The following TBXAS1 variants were observed in gnomAD, a reference collection of about 807,000 sequenced individuals.
The protein encoded by TBXAS1 is thromboxane A synthase 1, also known as thromboxane-A synthase.
In TBXAS1, 48 loss-of-function variants were observed where a neutral mutation model predicts 60.7. That is an observed-to-expected ratio of 0.79 (90% CI 0.63 to 1.01). The LOEUF is 1.01. Among genes scored for constraint, TBXAS1 ranks in the 50% least tolerant of loss-of-function variants. The probability of loss-of-function intolerance (pLI) is 0.00; values close to 1 mark genes in which losing one functional copy is unlikely to be tolerated. For missense variants in TBXAS1, 685 were observed against 686.3 expected (o/e 1.00, Z 0.02); for synonymous variants, 287 against 269.7 (o/e 1.06, Z -0.63).
intron 8 of TBXAS1, 69 bp downstream of exon 8, chr7:139,957,833 C>A: frequency 3.1e-6 from 5 of 1,604,864 alleles, no homozygotes; most frequent in Non-Finnish European, 4.3e-6. Context: ...TGTCTCTGCT[C>A]TTTCTCTTCC....
At chr7:139,944,714 C>G (rs1485178748) in intron 5 of TBXAS1, among the ~76,000 whole-genome samples, 13 of 152,142 alleles carry the variant, frequency 8.5e-5, no homozygotes, top group Non-Finnish European at 1.5e-4. Context: ...TCTTTTGAGT[C>G]CCTCTTCGTG....
At chr7:139,982,192 T>A (rs1196442890) in intron 9 of TBXAS1, among the ~76,000 whole-genome samples, 1 of 152,234 alleles carries the variant, frequency 6.6e-6, no homozygotes, top group Non-Finnish European at 1.5e-5. Context: ...AAAAAGTTAA[T>A]CTTATTGTAT....
At chr7:139,887,273 T>C (rs1159575072) in intron 3 of TBXAS1, among the ~76,000 whole-genome samples, 1 of 152,216 alleles carries the variant, frequency 6.6e-6, no homozygotes, top group Admixed American at 6.5e-5. Flanking sequence ...TGTTAAAATA[T>C]GCATCACACA....
intron 4 of TBXAS1, among the ~76,000 whole-genome samples, chr7:139,817,111 G>A (rs554322441): frequency 2.6e-5 from 4 of 152,034 alleles, no homozygotes; most frequent in East Asian, 3.9e-4. Context: ...CTCCTCCACC[G>A]ATCACTGTCC....
At position 139,930,083 on chromosome 7, in the gene TBXAS1, T is replaced by A. The variant is rs560138524; in HGVS notation, c.334-6108T>A. Among the ~76,000 whole-genome samples, 6 of 152,114 alleles carry A rather than the reference T, an allele frequency of 3.9e-5. No homozygotes were observed. In the South Asian group the frequency reaches 1.2e-3, roughly 32 times the overall value. ...ATCCCTCCCCTCCAGCCGCGCCACATCCTTAAGGGTCCTCACGCACATGAT... is the reference window on the plus strand; with the variant it reads ...ATCCCTCCCCTCCAGCCGCGCCACAACCTTAAGGGTCCTCACGCACATGAT... On this transcript the variant is annotated intron_variant, in intron 4 of 12. Coordinates refer to ENST00000448866, the MANE Select transcript of TBXAS1 (RefSeq NM_001061.7).
At chr7:139,786,683 A>G (rs1202352203) in intron 3 of TBXAS1, among the ~76,000 whole-genome samples, 1 of 152,146 alleles carries the variant, frequency 6.6e-6, no homozygotes, top group African/African-American at 2.4e-5. Flanking sequence ...GCAGTACTGT[A>G]CCTGCCCAAG....
At chr7:140,007,034 A>G in intron 9 of TBXAS1, 57 bp from the exon 10 acceptor site, 2 of 1,480,966 alleles carry the variant, frequency 1.4e-6, no homozygotes, top group East Asian at 4.5e-5. Context: ...AAAAGACAAA[A>G]TGCTGTGAGA....
At chr7:139,875,862 G>T in intron 3 of TBXAS1, 3 of 589,046 alleles carry the variant, frequency 5.1e-6, no homozygotes, top group Non-Finnish European at 9.0e-6. Flanking sequence ...GCCTGAAAGA[G>T]TACCACTTTC....
intron 9 of TBXAS1, among the ~76,000 whole-genome samples, chr7:139,981,738 C>G (rs1811994464): frequency 6.6e-6 from 1 of 152,158 alleles, no homozygotes; most frequent in African/African-American, 2.4e-5. Context: ...CTTGAGGATT[C>G]CAGACAGACC....
At chr7:139,990,172 A>G (rs1157110030) in intron 9 of TBXAS1, among the ~76,000 whole-genome samples, 2 of 152,030 alleles carry the variant, frequency 1.3e-5, no homozygotes, top group African/African-American at 4.8e-5. Context: ...TCCCCTCCCT[A>G]GTCCTCATCT....
chr7:139,951,493 C>A (rs1037502333), intron 5 of TBXAS1, among the ~76,000 whole-genome samples: 7 of 146,408 alleles, frequency 4.8e-5, no homozygotes, highest in Non-Finnish European at 8.9e-5. Flanking sequence ...CACAGTAGTT[C>A]ACGCCTGTAA....
chr7:139,823,364 T>C (rs187797327), intron 4 of TBXAS1, among the ~76,000 whole-genome samples: 1 of 152,004 alleles, frequency 6.6e-6, no homozygotes, highest in African/African-American at 2.4e-5. Flanking sequence ...ATTCAATAAG[T>C]GTTTTCTAGA....
chr7:139,875,734 A>G, intron 3 of TBXAS1, 97 bp downstream of exon 3: 1 of 1,436,564 alleles, frequency 7.0e-7, no homozygotes, highest in Admixed American at 1.8e-5. Context: ...AAGAAATGCC[A>G]AGATTAGGAA....
chr7:139,841,946 T>C (rs1373428012), intron 1 of TBXAS1, among the ~76,000 whole-genome samples: 1 of 152,200 alleles, frequency 6.6e-6, no homozygotes, highest in Non-Finnish European at 1.5e-5. Flanking sequence ...TTGTGGAGAA[T>C]AGATTGATTT....
chr7:140,010,127 T>TG (rs777921996), intron 10 of TBXAS1, among the ~76,000 whole-genome samples: 41 of 150,324 alleles, frequency 2.7e-4, no homozygotes, highest in Non-Finnish European at 5.3e-4. Context: ...ACCTGCTCCA[T>TG]GGGCATTTTT....
At chr7:139,833,465 A>G (rs1471360642) in intron 1 of TBXAS1, among the ~76,000 whole-genome samples, 1 of 145,072 alleles carries the variant, frequency 6.9e-6, no homozygotes, top group Non-Finnish European at 1.5e-5. Context: ...GGAGTTCGTG[A>G]CCAGTGTGGC....
chr7:139,795,379 A>T, intron 4 of TBXAS1, among the ~76,000 whole-genome samples: 3 of 91,080 alleles, frequency 3.3e-5, no homozygotes, highest in Non-Finnish European at 6.2e-5. Flanking sequence ...TTTTTCTTGT[A>T]AATTTGTTTG....
chr7:139,955,998 C>A (rs185320436), intron 7 of TBXAS1, among the ~76,000 whole-genome samples: 77 of 152,312 alleles, frequency 5.1e-4, no homozygotes, highest in African/African-American at 1.7e-3. Context: ...CAAAGCCTTT[C>A]ATTTCCTAGG....
At chr7:139,909,565 CAATTTTGGAAAATACGATGACTCAGGTA>C (rs1195417238) in intron 3 of TBXAS1, among the ~76,000 whole-genome samples, 1 of 152,162 alleles carries the variant, frequency 6.6e-6, no homozygotes, top group Non-Finnish European at 1.5e-5. Flanking sequence ...ATTTTCCTGA[CAATTTTGGAAAATACGATGACTCAGGTA>C]AATGTTTTCC....
Sources: allele counts gnomAD v4.1 joint callset (sites outside exome capture counted in the v4.1 genomes callset), GRCh38; gene constraint gnomAD v4.1.1; transcripts MANE v1.5; gene names NCBI Gene and HGNC (gene_info 2026-07-23, HGNC 2026-07-21).